Variants in MTMR6 observed in about 807,000 individuals in gnomAD.
The protein encoded by MTMR6 is phosphatidylinositol-3,5-bisphosphate 3-phosphatase MTMR6.
MTMR6 carries 47 observed loss-of-function variants against 80.1 expected under a neutral mutation model. The observed-to-expected ratio is 0.59, with a 90% confidence interval of 0.46 to 0.75. The LOEUF (loss-of-function observed/expected upper bound fraction) is 0.75. Among genes scored for constraint, MTMR6 ranks in the 30% least tolerant of loss-of-function variants. The pLI, the probability that MTMR6 is intolerant of heterozygous loss-of-function variation, is 0.00. For missense variants in MTMR6, 629 were observed against 730.9 expected (o/e 0.86, Z 1.61); for synonymous variants, 254 against 253.0 (o/e 1.00, Z -0.04).
chr13:25,258,403 A>T (rs185049798), intron 7 of MTMR6, among the ~76,000 whole-genome samples, 157 bp downstream of exon 7: 7 of 152,108 alleles, frequency 4.6e-5, no homozygotes, highest in Non-Finnish European at 8.8e-5. Context: ...TGTTAAAATA[A>T]TGTTTATAAT....
chr13:25,258,483 G>T, intron 7 of MTMR6, 77 bp downstream of exon 7: 1 of 1,304,834 alleles, frequency 7.7e-7, no homozygotes. Context: ...GTGACCACTG[G>T]AAAATTCTAA....
intron 1 of MTMR6, among the ~76,000 whole-genome samples, chr13:25,279,618 T>C (rs939769302): frequency 5.3e-5 from 8 of 152,230 alleles, no homozygotes; most frequent in Admixed American, 2.0e-4. Flanking sequence ...TATGTCAAGC[T>C]ACTATCCAGA....
At chr13:25,260,916 A>C (rs1386992663) in intron 6 of MTMR6, among the ~76,000 whole-genome samples, 1 of 152,138 alleles carries the variant, frequency 6.6e-6, no homozygotes, top group Admixed American at 6.6e-5. Flanking sequence ...TTCCTAAGTT[A>C]ACTGTTTTCC....
intron 1 of MTMR6, 49 bp downstream of exon 1, chr13:25,287,175 C>A (rs1957969814): frequency 6.4e-7 from 1 of 1,573,184 alleles, no homozygotes; most frequent in South Asian, 1.2e-5. Context: ...CCTGCCTCAG[C>A]CGGGTCAGAG....
intron 2 of MTMR6, 95 bp from the exon 3 acceptor site, chr13:25,268,036 A>G: frequency 2.3e-6 from 3 of 1,306,850 alleles, no homozygotes; most frequent in Non-Finnish European, 3.1e-6. Context: ...CCTCAAAAAA[A>G]GTTGAAAATG....
intron 2 of MTMR6, among the ~76,000 whole-genome samples, chr13:25,273,249 T>C (rs1278291779): frequency 6.6e-6 from 1 of 152,102 alleles, no homozygotes; most frequent in East Asian, 1.9e-4. Context: ...TAAGGTTATA[T>C]ATGCACTTAT....
chr13:25,260,055 G>A (rs1472302069), intron 6 of MTMR6, among the ~76,000 whole-genome samples: 1 of 151,680 alleles, frequency 6.6e-6, no homozygotes, highest in Non-Finnish European at 1.5e-5. Flanking sequence ...TAGAGACGGG[G>A]TTTTGCCATG....
chr13:25,247,752 A>C lies in MTMR6; in HGVS notation c.*1480T>G, dbSNP rs1957009143. The C allele has an allele frequency of 6.6e-6, 1 of 152,226 alleles. No individual in the cohort carries two copies. The highest frequency in any genetic ancestry group is 2.4e-5 in the African/African-American group (1 of 41,468). The allele number at this position is 152,226 out of a possible 1,614,324, so 9.4% of individuals were successfully genotyped here. ...TTGGAAAAATAAACAGGATAAGATAAGCTCTCATACAATAAAGTTTTTTTT... is the reference window on the plus strand; with the variant it reads ...TTGGAAAAATAAACAGGATAAGATACGCTCTCATACAATAAAGTTTTTTTT... On this transcript the variant is annotated 3_prime_UTR_variant, in exon 14 of 14. Transcript: ENST00000381801.
Position 25,251,861 on chromosome 13 carries a change from G to T in MTMR6, c.1470C>A (p.Phe490Leu). The T allele has an allele frequency of 6.2e-7, 1 of 1,607,010 alleles. No homozygotes were observed. Among genetic ancestry groups the T allele is most frequent in the Non-Finnish European group, 8.5e-7 (1 of 1,178,192 alleles). Residue 490 changes from phenylalanine to leucine, a missense_variant, in exon 12 of 14, where the codon TTC (phenylalanine) becomes TTA (leucine). Transcript: ENST00000381801. The surrounding 1 kb of genome is among the most constrained non-coding windows in gnomAD (Gnocchi z 4.1). ...CAATGATGTCAACTTACTTAAAATT[G>T]AAAGATACTGTATTTGGCTCCAAAA... is the stretch of plus-strand genomic sequence containing the variant. ...FTVLEPNTVS[F>L]NFKFWRNMYH...
At chr13:25,260,680 A>C (rs1488818799) in intron 6 of MTMR6, 1 of 1,263,970 alleles carries the variant, frequency 7.9e-7, no homozygotes, top group Non-Finnish European at 1.0e-6. Context: ...CCAGCTCTGC[A>C]TGCGACGCTA....
At chr13:25,286,871 TTGA>T (rs972552467) in intron 1 of MTMR6, among the ~76,000 whole-genome samples, 7 of 152,206 alleles carry the variant, frequency 4.6e-5, no homozygotes, top group Non-Finnish European at 8.8e-5. Flanking sequence ...GGTTTTCCGG[TTGA>T]TGAGGCAACG....
chr13:25,276,952 C>T (rs1341246590), intron 1 of MTMR6, among the ~76,000 whole-genome samples: 1 of 152,202 alleles, frequency 6.6e-6, no homozygotes, highest in South Asian at 2.1e-4. Flanking sequence ...CAAAGTCATA[C>T]AGCTAGAAGC....
chr13:25,266,900 C>T (rs1451680536), intron 3 of MTMR6, among the ~76,000 whole-genome samples: 4 of 152,108 alleles, frequency 2.6e-5, no homozygotes, highest in Admixed American at 6.5e-5. Flanking sequence ...AAATCCAGTC[C>T]GACATATAAT....
rs1400029494 is a variant in MTMR6 at position 25,249,320 on chromosome 13, T to C, written c.1778A>G (p.Asn593Ser). Reference protein sequence around the residue: ...RTIEGSSPADNRYSEYAEEFS... With the variant: ...RTIEGSSPADSRYSEYAEEFS... ...CTCTTCTGCATATTCACTATAACGATTATCTGCCGGGCTGCTGCCCTCTAT... is the reference window on the plus strand; with the variant it reads ...CTCTTCTGCATATTCACTATAACGACTATCTGCCGGGCTGCTGCCCTCTAT... Residue 593 changes from asparagine (N) to serine (S), a missense_variant, in exon 14 of 14, where the codon AAT becomes AGT. By Grantham distance (46) the Asn-to-Ser change is conservative (BLOSUM62 1). Coordinates refer to ENST00000381801, the MANE Select transcript of MTMR6 (RefSeq NM_004685.5). The C allele has an allele frequency of 7.4e-6, 12 of 1,613,988 alleles. No homozygotes were observed. The Admixed American group carries it at 8.3e-5, about 11-fold the overall frequency.
chr13:25,265,832 T>A lies in MTMR6; in HGVS notation c.578A>T (p.His193Leu). Residue 193 changes from histidine (H) to leucine (L), a missense_variant, in exon 5 of 14, where the codon CAT (histidine) becomes CTT (leucine). By Grantham distance (99) the His-to-Leu change is moderately conservative. Transcript: ENST00000381801. ...AAAGCATCCTACCTCCTTATCTTGATGATAGTAGGAAAGAACTGGGAATCT... is the reference window on the plus strand; with the variant it reads ...AAAGCATCCTACCTCCTTATCTTGAAGATAGTAGGAAAGAACTGGGAATCT... ...KGRFPVLSYY[H>L]QDKEAAICRC... is the part of the protein sequence containing the mutation. 6.2e-7 allele frequency: 1 copy of A among 1,613,616 alleles called. No homozygotes were observed. Among genetic ancestry groups the A allele is most frequent in the Non-Finnish European group, 8.5e-7 (1 of 1,179,552 alleles).
intron 13 of MTMR6, among the ~76,000 whole-genome samples, chr13:25,250,086 C>G (rs1957053480): frequency 6.6e-6 from 1 of 152,138 alleles, no homozygotes; most frequent in Non-Finnish European, 1.5e-5. Flanking sequence ...TTGACCATAT[C>G]CTTCTACAAT....
chr13:25,279,741 TC>T (rs1957805323), intron 1 of MTMR6, among the ~76,000 whole-genome samples: 1 of 152,100 alleles, frequency 6.6e-6, no homozygotes, highest in Non-Finnish European at 1.5e-5. Context: ...AAAGCACAGA[TC>T]AGCAAAATGT....
chr13:25,251,530 T>C lies in MTMR6; in HGVS notation c.1605+119A>G, dbSNP rs1250067307. The C allele has an allele frequency of 1.1e-6, 1 of 908,990 alleles. No individual in the cohort carries two copies. The highest frequency in any genetic ancestry group is 3.2e-5 in the Admixed American group (1 of 31,450). The allele number at this position is 908,990 out of a possible 1,614,324, so 56.3% of individuals were successfully genotyped here. A position where few individuals can be genotyped will look rare whatever the true frequency, so the allele number is the denominator to read the frequency against. Reference sequence around the variant, plus strand: ...TCAATCAAAGTAGGGATGACCTGATTTTGAAGAAACTGCTTACTTCAGAAG... The same window carrying C: ...TCAATCAAAGTAGGGATGACCTGATCTTGAAGAAACTGCTTACTTCAGAAG... On this transcript the variant is annotated intron_variant, in intron 13 of 13. Transcript: ENST00000381801. This position sits in a 1 kb window ranked among gnomAD's most constrained non-coding sequence, Gnocchi z 4.1.
chr13:25,267,723 T>A, intron 3 of MTMR6, 56 bp downstream of exon 3: 1 of 1,509,406 alleles, frequency 6.6e-7, no homozygotes, highest in African/African-American at 1.4e-5. Flanking sequence ...AAATAAAGTA[T>A]CTTAGATAAC....
Sources: allele counts gnomAD v4.1 joint callset (sites outside exome capture counted in the v4.1 genomes callset), GRCh38; gene constraint gnomAD v4.1.1; non-coding constraint Gnocchi (gnomAD v3.1); transcripts MANE v1.5; gene names NCBI Gene and HGNC (gene_info 2026-07-23, HGNC 2026-07-21).